The following CADM2 variants were observed in gnomAD, a reference collection of about 807,000 sequenced individuals.
CADM2 encodes the protein immunoglobulin superfamily member 4D.
A neutral mutation model predicts 49.8 loss-of-function variants in CADM2; 12 were observed. The observed-to-expected ratio is 0.24, with a 90% CI of 0.15 to 0.39. CADM2 has a LOEUF of 0.39. CADM2 is among the 10% of genes least tolerant of loss of function. The pLI, the probability that CADM2 is intolerant of heterozygous loss-of-function variation, is 1.00. For synonymous variants in CADM2, 214 were observed against 175.4 expected (o/e 1.22, Z -1.74); for missense variants, 378 against 492.3 (o/e 0.77, Z 2.20).
chr3:85,993,611 ATG>A (rs1729037524), intron 8 of CADM2: 1 of 152,180 alleles, frequency 6.6e-6, no homozygotes, highest in Non-Finnish European at 1.5e-5. Context: ...GCTTTAAAAA[ATG>A]TATCTCTTAA....
intron 1 of CADM2, among the ~76,000 whole-genome samples, chr3:85,241,431 G>C (rs1224561475): frequency 6.6e-6 from 1 of 151,392 alleles, no homozygotes; most frequent in African/African-American, 2.4e-5. Flanking sequence ...TGAGTAGTCA[G>C]GATAATTTAG....
intron 5 of CADM2, among the ~76,000 whole-genome samples, chr3:85,892,287 G>A (rs181873044): frequency 6.6e-6 from 1 of 152,294 alleles, no homozygotes; most frequent in Admixed American, 6.5e-5. Flanking sequence ...TAAAATTCAG[G>A]TGCCTAAATG....
chr3:85,486,288 A>T (rs2039412843), intron 1 of CADM2, among the ~76,000 whole-genome samples: 1 of 148,202 alleles, frequency 6.7e-6, no homozygotes, highest in East Asian at 2.1e-4. Context: ...ATACATTTTT[A>T]TAGGCAATTT....
intron 1 of CADM2, among the ~76,000 whole-genome samples, chr3:84,997,189 T>C (rs1406007408): frequency 6.6e-6 from 1 of 152,144 alleles, no homozygotes; most frequent in African/African-American, 2.4e-5. Context: ...TACTGCCTTC[T>C]GGAATGGATT....
chr3:85,351,856 A>C (rs779268797), intron 1 of CADM2, among the ~76,000 whole-genome samples: 2 of 152,116 alleles, frequency 1.3e-5, no homozygotes, highest in African/African-American at 4.8e-5. Flanking sequence ...GTTTTGCCTC[A>C]ACTTGTGGGT....
chr3:86,020,843 T>C (rs1559805897), intron 8 of CADM2, among the ~76,000 whole-genome samples: 1 of 152,054 alleles, frequency 6.6e-6, no homozygotes, highest in Non-Finnish European at 1.5e-5. Flanking sequence ...TATTTCAAAA[T>C]AATAAGAGCT....
rs964522248 is a variant in CADM2, at chr3:86,073,454, G to A, written c.*6671G>A. ...ATGCATATTGTAATATTTGGTACAT[G>A]ACACTTGCATGTTGATATGCCTATA... is the stretch of plus-strand genomic sequence containing the variant. On this transcript the variant is annotated 3_prime_UTR_variant, in exon 10 of 10. Transcript: ENST00000383699. 6.6e-6 allele frequency: 1 copy of A among 152,002 alleles called. No individual in the cohort carries two copies. The highest frequency in any genetic ancestry group is 2.4e-5 in the African/African-American group (1 of 41,424). The allele number at this position is 152,002 out of a possible 1,614,324, so 9.4% of individuals were successfully genotyped here.
chr3:85,427,912 A>G (rs1383265947), intron 1 of CADM2, among the ~76,000 whole-genome samples: 1 of 152,124 alleles, frequency 6.6e-6, no homozygotes, highest in Admixed American at 6.6e-5. Context: ...TTCTGCAGCT[A>G]TAACTTCAAT....
chr3:85,610,047 A>G (rs2063636995), intron 1 of CADM2, among the ~76,000 whole-genome samples: 1 of 151,972 alleles, frequency 6.6e-6, no homozygotes, highest in Non-Finnish European at 1.5e-5. Context: ...TAATTATTTC[A>G]CGATGGTAAA....
intron 1 of CADM2, among the ~76,000 whole-genome samples, chr3:85,333,838 C>A (rs963512339): frequency 1.1e-4 from 17 of 151,616 alleles, no homozygotes; most frequent in African/African-American, 3.6e-4. Flanking sequence ...TAATGTGTGA[C>A]AAATACCAAT....
At chr3:85,302,461 T>C (rs2044124144) in intron 1 of CADM2, among the ~76,000 whole-genome samples, 1 of 151,830 alleles carries the variant, frequency 6.6e-6, no homozygotes, top group Non-Finnish European at 1.5e-5. Flanking sequence ...CATTAAGAAT[T>C]AAAATAAGAG....
At chr3:85,521,802 A>G (rs1031704049) in intron 1 of CADM2, among the ~76,000 whole-genome samples, 2 of 151,994 alleles carry the variant, frequency 1.3e-5, no homozygotes, top group African/African-American at 4.8e-5. Context: ...ACTCGAAATC[A>G]GTGAGAATCG....
chr3:85,469,883 C>T (rs1253406026), intron 1 of CADM2, among the ~76,000 whole-genome samples: 1 of 152,026 alleles, frequency 6.6e-6, no homozygotes, highest in Non-Finnish European at 1.5e-5. Context: ...TAAGGATGGA[C>T]AAATAGAGAT....
intron 1 of CADM2, among the ~76,000 whole-genome samples, chr3:85,116,863 G>A (rs1483849441): frequency 6.6e-6 from 1 of 152,008 alleles, no homozygotes; most frequent in Non-Finnish European, 1.5e-5. Flanking sequence ...CTGGTGTATG[G>A]TGCAATATGA....
intron 8 of CADM2, among the ~76,000 whole-genome samples, chr3:86,049,176 G>A (rs1225458332): frequency 6.6e-6 from 1 of 152,056 alleles, no homozygotes; most frequent in Admixed American, 6.5e-5. Flanking sequence ...GATTCTAAGT[G>A]AGCTGTTGCG....
intron 1 of CADM2, among the ~76,000 whole-genome samples, chr3:85,158,209 A>G (rs376299727): frequency 4.6e-5 from 7 of 152,230 alleles, no homozygotes; most frequent in East Asian, 3.9e-4. Flanking sequence ...TGGAGAGGAT[A>G]TGGAGAAATA....
chr3:85,540,611 C>T (rs1317013454), intron 1 of CADM2, among the ~76,000 whole-genome samples: 2 of 152,126 alleles, frequency 1.3e-5, no homozygotes, highest in Admixed American at 1.3e-4. Context: ...AGTACAAACT[C>T]TCACACTGAA....
At chr3:85,337,508 A>C (rs1420831625) in intron 1 of CADM2, among the ~76,000 whole-genome samples, 2 of 151,368 alleles carry the variant, frequency 1.3e-5, no homozygotes, top group African/African-American at 4.8e-5. Context: ...GGCATAACTT[A>C]GTTACCCTTT....
intron 1 of CADM2, among the ~76,000 whole-genome samples, chr3:85,498,825 G>A (rs1559871004): frequency 6.6e-6 from 1 of 152,148 alleles, no homozygotes; most frequent in African/African-American, 2.4e-5. Flanking sequence ...AGTGTTTATG[G>A]TGACTTTGTA....
Sources: allele counts gnomAD v4.1 joint callset (sites outside exome capture counted in the v4.1 genomes callset), GRCh38; gene constraint gnomAD v4.1.1; transcripts MANE v1.5; gene names NCBI Gene and HGNC (gene_info 2026-07-23, HGNC 2026-07-21).